Variants in LINGO2 observed in about 807,000 individuals in gnomAD.
LINGO2 encodes leucine-rich repeat and immunoglobulin-like domain-containing nogo receptor-interacting protein 2.
In LINGO2, 14 loss-of-function variants were observed where a neutral mutation model predicts 30.6. The observed-to-expected ratio is 0.46, with a 90% CI of 0.30 to 0.72. LINGO2 has a LOEUF of 0.72. LINGO2 is among the 30% of genes least tolerant of loss of function. The pLI, the probability that LINGO2 is intolerant of heterozygous loss-of-function variation, is 0.07. For missense variants in LINGO2, 729 were observed against 751.7 expected, an observed-to-expected ratio of 0.97 and a Z score of 0.35; for synonymous variants, 317 against 288.5, an observed-to-expected ratio of 1.10 and a Z score of -1.00.
chr9:28,476,567 G>A (rs949193860), intron 1 of LINGO2, among the ~76,000 whole-genome samples: 13 of 152,204 alleles, frequency 8.5e-5, no homozygotes, highest in Non-Finnish European at 1.2e-4. Context: ...GAGCCACCGC[G>A]CCCGGCCTAT....
chr9:29,011,504 T>A, the LINGO2 span, among the ~76,000 whole-genome samples: 4 of 152,194 alleles, frequency 2.6e-5, no homozygotes, highest in African/African-American at 9.6e-5. Flanking sequence ...ATTTATACAA[T>A]TGTGAAAAGT....
chr9:28,694,934 G>A, the LINGO2 span, among the ~76,000 whole-genome samples: 2 of 146,132 alleles, frequency 1.4e-5, no homozygotes, highest in African/African-American at 2.5e-5. Flanking sequence ...TTTTAAATGT[G>A]TTTCCATTAT....
chr9:28,760,503 T>C, the LINGO2 span, among the ~76,000 whole-genome samples: 1 of 152,070 alleles, frequency 6.6e-6, no homozygotes, highest in Non-Finnish European at 1.5e-5. Context: ...AATTTTCTTT[T>C]TTAATTTTTT....
intron 1 of LINGO2, among the ~76,000 whole-genome samples, chr9:28,484,132 A>G (rs368638143): frequency 6.6e-6 from 1 of 151,630 alleles, no homozygotes; most frequent in East Asian, 1.9e-4. Flanking sequence ...AGAATTGCTG[A>G]TGAGGTTTGA....
At chr9:28,435,302 G>T (rs1232373908) in intron 2 of LINGO2, among the ~76,000 whole-genome samples, 1 of 152,040 alleles carries the variant, frequency 6.6e-6, no homozygotes, top group Non-Finnish European at 1.5e-5. Flanking sequence ...TAACACTCTA[G>T]TACCTTTATA....
intron 1 of LINGO2, among the ~76,000 whole-genome samples, chr9:28,651,391 G>C (rs1828096359): frequency 6.6e-6 from 1 of 152,094 alleles, no homozygotes; most frequent in South Asian, 2.1e-4. Flanking sequence ...TTAATAAACA[G>C]TAGGACAAGA....
At chr9:28,349,817 A>C (rs1445673486) in intron 3 of LINGO2, among the ~76,000 whole-genome samples, 1 of 152,064 alleles carries the variant, frequency 6.6e-6, no homozygotes, top group East Asian at 1.9e-4. Context: ...GAAACCCTAC[A>C]AGCCAGAAGA....
intron 4 of LINGO2, among the ~76,000 whole-genome samples, chr9:28,272,122 T>C (rs140190347): frequency 1.3e-5 from 2 of 152,282 alleles, no homozygotes; most frequent in African/African-American, 4.8e-5. Context: ...TAATACAAGC[T>C]ACCCCCATCT....
intron 4 of LINGO2, among the ~76,000 whole-genome samples, chr9:28,272,881 C>G (rs1822990531): frequency 6.6e-6 from 1 of 152,112 alleles, no homozygotes; most frequent in East Asian, 1.9e-4. Flanking sequence ...ACAGGTACCC[C>G]CATCTTCTCC....
intron 4 of LINGO2, among the ~76,000 whole-genome samples, chr9:28,246,572 C>T (rs1822007813): frequency 6.6e-6 from 1 of 152,040 alleles, no homozygotes; most frequent in Admixed American, 6.5e-5. Context: ...GACACTGGAC[C>T]CCTTCCTTAC....
In LINGO2 at chr9:28,055,870, G is replaced by C. The variant is rs146710402; in HGVS notation, c.-86-43465C>G. Among the ~76,000 whole-genome samples the C allele has an allele frequency of 5.1e-3, 783 of 152,204 alleles. 9 individuals are homozygous for C. Among genetic ancestry groups the C allele is most frequent in the South Asian group, 0.02 (95 of 4,818 alleles). ...ACAACTTACTTTGGTTTCGAAGGAG[G>C]CATTTGGCAAAAGTTAAATGTGGCT... On this transcript the variant is annotated intron_variant, in intron 4 of 5. Coordinates refer to ENST00000379992, the Ensembl canonical transcript of LINGO2.
intron 3 of LINGO2, among the ~76,000 whole-genome samples, chr9:28,300,218 T>C (rs1373873113): frequency 6.6e-6 from 1 of 151,624 alleles, no homozygotes; most frequent in African/African-American, 2.4e-5. Flanking sequence ...GAATAGCACA[T>C]CAGTGTTTTG....
chr9:29,188,406 C>T, the LINGO2 span, among the ~76,000 whole-genome samples: 1 of 152,176 alleles, frequency 6.6e-6, no homozygotes, highest in Non-Finnish European at 1.5e-5. Context: ...GAAAAGTCTC[C>T]CATGTCTACT....
chr9:28,981,488 T>A, the LINGO2 span, among the ~76,000 whole-genome samples: 1 of 152,146 alleles, frequency 6.6e-6, no homozygotes, highest in Non-Finnish European at 1.5e-5. Flanking sequence ...TCTCTGCTGT[T>A]ATGGTAAACA....
At chr9:28,193,749 T>C (rs1819905098) in intron 4 of LINGO2, among the ~76,000 whole-genome samples, 1 of 152,214 alleles carries the variant, frequency 6.6e-6, no homozygotes, top group African/African-American at 2.4e-5. Context: ...GAAAGAACTT[T>C]TGACAGTTCT....
At chr9:28,459,047 T>C (rs2135111206) in intron 2 of LINGO2, among the ~76,000 whole-genome samples, 1 of 152,270 alleles carries the variant, frequency 6.6e-6, no homozygotes, top group Non-Finnish European at 1.5e-5. Context: ...AATAAAATCC[T>C]GGCATCAATG....
chr9:28,253,682 G>A (rs1822284144), intron 4 of LINGO2, among the ~76,000 whole-genome samples: 1 of 152,152 alleles, frequency 6.6e-6, no homozygotes, highest in African/African-American at 2.4e-5. Flanking sequence ...AGGCTCACCT[G>A]GGGCAAATGC....
intron 1 of LINGO2, among the ~76,000 whole-genome samples, chr9:28,558,290 T>TC (rs1787041496): frequency 6.6e-6 from 1 of 151,950 alleles, no homozygotes; most frequent in African/African-American, 2.4e-5. Context: ...TAAGACATAT[T>TC]CCCTACAGAA....
chr9:29,029,770 A>G, the LINGO2 span, among the ~76,000 whole-genome samples: 1 of 151,934 alleles, frequency 6.6e-6, no homozygotes, highest in East Asian at 1.9e-4. Context: ...AAGCAGCAAG[A>G]CTCTCCTCTC....
Sources: gnomAD v4.1 joint callset for allele counts (sites outside exome capture counted in the v4.1 genomes callset) on GRCh38, gnomAD v4.1.1 for gene constraint, MANE v1.5 for transcripts, NCBI Gene and HGNC (gene_info 2026-07-23, HGNC 2026-07-21) for gene names.